NFIC: variants seen among roughly 807,000 people sequenced by gnomAD.
NFIC encodes nuclear factor 1 C-type.
A neutral mutation model predicts 54.4 loss-of-function variants in NFIC; 12 were observed. That is an observed-to-expected ratio of 0.22 (90% CI 0.14 to 0.36). The LOEUF (loss-of-function observed/expected upper bound fraction) is 0.36. Among genes scored for constraint, NFIC ranks in the 10% least tolerant of loss-of-function variants. The probability of loss-of-function intolerance (pLI) is 1.00; values close to 1 mark genes in which losing one functional copy is unlikely to be tolerated. For missense variants in NFIC, 575 were observed against 718.2 expected, an observed-to-expected ratio of 0.80 and a Z score of 2.28; for synonymous variants, 322 against 319.2, an observed-to-expected ratio of 1.01 and a Z score of -0.09.
rs1437922604 is a variant in NFIC, at chr19:3,370,327, C to T, written c.30+3661C>T. ...CCTCTGATTCACTCTCTACAAGGCT[C>T]CACCACTCTCCCGCTGTATCTCCCT... On this transcript the variant is annotated intron_variant, in intron 1 of 10. Coordinates refer to ENST00000443272, the MANE Select transcript of NFIC (RefSeq NM_001245002.2). This position sits in a 1 kb window ranked among gnomAD's most constrained non-coding sequence, Gnocchi z 5.2. Among the ~76,000 whole-genome samples, 4 of 152,112 alleles carry T rather than the reference C, an allele frequency of 2.6e-5. No individual in the cohort carries two copies. The highest frequency in any genetic ancestry group is 9.7e-5 in the African/African-American group (4 of 41,414).
At chr19:3,433,491 A>C (rs374297124) in intron 3 of NFIC, 27 bp from the exon 4 acceptor site, 5 of 1,612,034 alleles carry the variant, frequency 3.1e-6, no homozygotes, top group Non-Finnish European at 4.2e-6. Flanking sequence ...AGCTCAGCCT[A>C]CTGACCCCGC....
At chr19:3,361,711 G>C (rs2080813882), upstream of NFIC, among the ~76,000 whole-genome samples, 1 of 151,960 alleles carries the variant, frequency 6.6e-6, no homozygotes, top group African/African-American at 2.4e-5. Flanking sequence ...CCCACTCCCA[G>C]CCTCAGACTC....
intron 2 of NFIC, among the ~76,000 whole-genome samples, chr19:3,414,022 T>C (rs4806933): frequency 0.94 from 143,625 of 152,158 alleles, 67,830 homozygotes; most frequent in East Asian, 0.97. Context: ...CTGTCTCTGT[T>C]GCCGCTGTGT....
chr19:3,427,892 G>A (rs931599232), intron 3 of NFIC, among the ~76,000 whole-genome samples: 14 of 148,380 alleles, frequency 9.4e-5, no homozygotes, highest in Middle Eastern at 7.6e-3. Context: ...AAGAAGGGCC[G>A]GGTGCGGGGG....
intron 2 of NFIC, among the ~76,000 whole-genome samples, chr19:3,421,319 G>A (rs535031435): frequency 1.1e-3 from 163 of 152,352 alleles, no homozygotes; most frequent in African/African-American, 3.8e-3. Context: ...TCTGGTTCCG[G>A]AAGAGGGTCC....
chr19:3,388,203 C>T (rs1024544115), intron 2 of NFIC, among the ~76,000 whole-genome samples: 1 of 152,176 alleles, frequency 6.6e-6, no homozygotes, highest in African/African-American at 2.4e-5. Context: ...AGAGGCTGCC[C>T]CGGGTGCCCT....
chr19:3,361,456 C>G (rs2080810348), intron 1 of NFIC, among the ~76,000 whole-genome samples: 1 of 152,144 alleles, frequency 6.6e-6, no homozygotes, highest in Non-Finnish European at 1.5e-5. Context: ...GCACAGAGAG[C>G]TGTTTTGTCA....
At chr19:3,402,758 A>G (rs967426128) in intron 2 of NFIC, among the ~76,000 whole-genome samples, 2 of 152,196 alleles carry the variant, frequency 1.3e-5, no homozygotes, top group Admixed American at 6.5e-5. Flanking sequence ...CTCAAGAGAG[A>G]GCAAGCAGTT....
chr19:3,425,110 A>G lies in NFIC; in HGVS notation c.567A>G (p.Ala189=). 1 of 1,613,418 alleles carries G rather than the reference A, an allele frequency of 6.2e-7. No homozygotes were observed. Among genetic ancestry groups the G allele is most frequent in the Non-Finnish European group, 8.5e-7 (1 of 1,179,936 alleles). ...GTTTCTTCCCTCTCTTTGCAGATGC[A>G]GAGCAAAGCGGCAGTCCCCGGACAG... ...YLAYFVRERD[A]EQSGSPRTGM... Residue 189 remains alanine (A), a synonymous_variant, in exon 3 of 11, where the codon GCA becomes GCG. Transcript: ENST00000443272.
intron 2 of NFIC, among the ~76,000 whole-genome samples, chr19:3,405,540 A>G (rs1488686557): frequency 1.3e-5 from 2 of 152,126 alleles, no homozygotes; most frequent in Non-Finnish European, 2.9e-5. Flanking sequence ...GAAGTTCTCT[A>G]TGGAGGATCA....
intron 2 of NFIC, among the ~76,000 whole-genome samples, chr19:3,419,082 G>A (rs1220976115): frequency 6.6e-6 from 1 of 152,052 alleles, no homozygotes; most frequent in Non-Finnish European, 1.5e-5. Flanking sequence ...GCTGGGGAGG[G>A]GACGGGGAGT....
chr19:3,426,996 G>A (rs1315937120), intron 3 of NFIC, among the ~76,000 whole-genome samples: 3 of 147,234 alleles, frequency 2.0e-5, no homozygotes, highest in African/African-American at 2.5e-5. Flanking sequence ...GCGCAATCTC[G>A]GCTCACTGCC....
chr19:3,381,570 C>G, intron 1 of NFIC, 142 bp from the exon 2 acceptor site: 5 of 1,285,350 alleles, frequency 3.9e-6, no homozygotes, highest in Non-Finnish European at 5.2e-6. Context: ...GGGTCCGCAG[C>G]GACCCCCTGC....
intron 2 of NFIC, among the ~76,000 whole-genome samples, chr19:3,390,990 C>A (rs1265576948): frequency 1.3e-5 from 2 of 152,064 alleles, no homozygotes; most frequent in Non-Finnish European, 2.9e-5. Flanking sequence ...GGGTTAATGC[C>A]ACTGAACTTA....
At chr19:3,445,524 G>A (rs1163916631) in intron 6 of NFIC, among the ~76,000 whole-genome samples, 1 of 152,158 alleles carries the variant, frequency 6.6e-6, no homozygotes, top group Non-Finnish European at 1.5e-5. Context: ...TCCAGAGCCG[G>A]GTGTTCCCGG....
In NFIC at chr19:3,369,480, C is replaced by T. The variant is rs538258540; in HGVS notation, c.30+2814C>T. 3.3e-5 allele frequency among the ~76,000 whole-genome samples: 5 copies of T among 151,684 alleles called. No individual in the cohort carries two copies. Among genetic ancestry groups the T allele is most frequent in the East Asian group, 3.9e-4 (2 of 5,150 alleles). On this transcript the variant is annotated intron_variant, in intron 1 of 10. Transcript: ENST00000443272. The surrounding 1 kb of genome is among the most constrained non-coding windows in gnomAD (Gnocchi z 4.3). ...GAAAATAGCTCCCTTTTAGCTGATCCGACCCGGATCCTTCTCGGGAGCCGA... is the reference window on the plus strand; with the variant it reads ...GAAAATAGCTCCCTTTTAGCTGATCTGACCCGGATCCTTCTCGGGAGCCGA...
chr19:3,427,823 A>G (rs1272459146), intron 3 of NFIC, among the ~76,000 whole-genome samples: 3 of 149,534 alleles, frequency 2.0e-5, no homozygotes, highest in African/African-American at 7.5e-5. Flanking sequence ...CAAAAAAAAA[A>G]AAAAAAAAGA....
At chr19:3,367,907 G>C (rs906273208) in intron 1 of NFIC, among the ~76,000 whole-genome samples, 1 of 152,168 alleles carries the variant, frequency 6.6e-6, no homozygotes, top group African/African-American at 2.4e-5. Flanking sequence ...CCCACGCCAG[G>C]CATGCTCCTT....
intron 2 of NFIC, among the ~76,000 whole-genome samples, chr19:3,408,671 G>A (rs1054911383): frequency 9.2e-5 from 14 of 151,802 alleles, no homozygotes; most frequent in African/African-American, 3.1e-4. Flanking sequence ...GCGCCAACTC[G>A]GCTCACTACA....
Sources: allele counts gnomAD v4.1 joint callset (sites outside exome capture counted in the v4.1 genomes callset), GRCh38; gene constraint gnomAD v4.1.1; non-coding constraint Gnocchi (gnomAD v3.1); transcripts MANE v1.5; gene names NCBI Gene and HGNC (gene_info 2026-07-23, HGNC 2026-07-21).